The following SUMF1 variants were observed in gnomAD, a reference collection of about 807,000 sequenced individuals.
SUMF1 encodes the protein formylglycine-generating enzyme.
SUMF1 carries 48 observed loss-of-function variants against 47.6 expected under a neutral mutation model. That is an observed-to-expected ratio of 1.01 (90% CI 0.80 to 1.28). SUMF1 has a LOEUF of 1.28. SUMF1 is among the 50% of genes most tolerant of loss of function. The pLI is 0.00. For missense variants in SUMF1, 571 were observed against 485.4 expected (o/e 1.18, Z -1.66); for synonymous variants, 230 against 192.1 (o/e 1.20, Z -1.63).
intron 8 of SUMF1, among the ~76,000 whole-genome samples, chr3:4,108,407 G>C (rs926396667): frequency 6.6e-6 from 1 of 152,102 alleles, no homozygotes; most frequent in Admixed American, 6.5e-5. Context: ...CTGTTGATTT[G>C]GGGTGGAGAG....
chr3:4,350,500 T>C (rs978317395), intron 8 of SUMF1, among the ~76,000 whole-genome samples: 3 of 152,152 alleles, frequency 2.0e-5, no homozygotes, highest in Non-Finnish European at 4.4e-5. Context: ...CCTATTGGCA[T>C]GGATATGGGA....
chr3:4,240,150 T>C (rs1324894987), intron 8 of SUMF1, among the ~76,000 whole-genome samples: 1 of 152,188 alleles, frequency 6.6e-6, no homozygotes, highest in Non-Finnish European at 1.5e-5. Flanking sequence ...CTTTTTGATG[T>C]GCTGCTGGAT....
chr3:4,259,492 T>C (rs1167513233), intron 8 of SUMF1, among the ~76,000 whole-genome samples: 1 of 152,166 alleles, frequency 6.6e-6, no homozygotes, highest in Non-Finnish European at 1.5e-5. Context: ...TATTTCTGTC[T>C]TTTTGACAAA....
chr3:4,056,343 T>C (rs1189913994), intron 9 of SUMF1, among the ~76,000 whole-genome samples: 1 of 152,102 alleles, frequency 6.6e-6, no homozygotes, highest in African/African-American at 2.4e-5. Flanking sequence ...GTTCATACAG[T>C]ATGAAATAAA....
intron 8 of SUMF1, among the ~76,000 whole-genome samples, chr3:4,126,011 G>A (rs1359980620): frequency 6.6e-6 from 1 of 151,794 alleles, no homozygotes; most frequent in Admixed American, 6.6e-5. Context: ...AGTGCCTCGT[G>A]CCATTTTCCT....
intron 8 of SUMF1, among the ~76,000 whole-genome samples, chr3:4,117,230 T>C (rs571448286): frequency 1.3e-5 from 2 of 152,260 alleles, no homozygotes; most frequent in African/African-American, 2.4e-5. Context: ...AATGAGTTTA[T>C]CTTTCTTACT....
intron 9 of SUMF1, among the ~76,000 whole-genome samples, chr3:4,055,107 A>G (rs1399092283): frequency 6.6e-6 from 1 of 152,148 alleles, no homozygotes; most frequent in Admixed American, 6.6e-5. Context: ...CGTTTTCTTC[A>G]TGCAGTGTGT....
intron 8 of SUMF1, among the ~76,000 whole-genome samples, chr3:4,375,971 C>T (rs747990298): frequency 2.0e-5 from 3 of 152,154 alleles, no homozygotes; most frequent in South Asian, 2.1e-4. Flanking sequence ...AACAGAAAAT[C>T]CAGAAATGTA....
At chr3:4,147,364 A>C (rs1694220007) in intron 8 of SUMF1, among the ~76,000 whole-genome samples, 2 of 152,130 alleles carry the variant, frequency 1.3e-5, no homozygotes, top group South Asian at 4.1e-4. Flanking sequence ...ACACATGCAC[A>C]CGTATGTTTA....
intron 8 of SUMF1, among the ~76,000 whole-genome samples, chr3:4,254,440 C>T (rs1287439957): frequency 1.3e-5 from 2 of 150,406 alleles, no homozygotes; most frequent in African/African-American, 4.9e-5. Flanking sequence ...GAGCTGAAAA[C>T]CAAGGCTCGA....
chr3:4,234,456 C>T (rs1182586033), intron 8 of SUMF1, among the ~76,000 whole-genome samples: 1 of 152,046 alleles, frequency 6.6e-6, no homozygotes, highest in African/African-American at 2.4e-5. Flanking sequence ...TGCTAACTCC[C>T]TATGTAGATG....
In SUMF1 at chr3:4,345,161, C is replaced by T. The variant is rs115975253; in HGVS notation, c.1014+31169G>A. ...CCCAACCTAGCAAGACAGGCCAACA[C>T]GCAAATTCAAGAAATACAGAGAACA... On this transcript the variant is annotated intron_variant and NMD_transcript_variant, in intron 8 of 12. Coordinates refer to the SUMF1 transcript ENST00000448413. 4.9e-3 allele frequency among the ~76,000 whole-genome samples: 743 copies of T among 152,202 alleles called. 8 individuals carry two copies. Among genetic ancestry groups the T allele is most frequent in the African/African-American group, 0.017 (716 of 41,530 alleles).
chr3:4,084,025 A>G (rs901962725), intron 8 of SUMF1, among the ~76,000 whole-genome samples: 2 of 152,124 alleles, frequency 1.3e-5, no homozygotes, highest in African/African-American at 4.8e-5. Context: ...TTATTTCAAG[A>G]TGGAATAGGA....
In SUMF1 at chr3:4,372,975, T is replaced by C. The variant is rs766475574; in HGVS notation, c.1014+3355A>G. 2.0e-5 allele frequency among the ~76,000 whole-genome samples: 3 copies of C among 152,268 alleles called. No individual in the cohort carries two copies. In the South Asian group the frequency reaches 6.2e-4, roughly 32 times the overall value. On this transcript the variant is annotated intron_variant, in intron 8 of 8. Coordinates refer to ENST00000272902, the MANE Select transcript of SUMF1 (RefSeq NM_182760.4). ...AGTGCCATTTTTCTATGGAAAATCCTGTGGATCCCACTCAGTTCTGTCAAT... is the reference window on the plus strand; with the variant it reads ...AGTGCCATTTTTCTATGGAAAATCCCGTGGATCCCACTCAGTTCTGTCAAT...
intron 8 of SUMF1, among the ~76,000 whole-genome samples, chr3:4,256,349 C>A (rs1210631277): frequency 1.9e-5 from 2 of 103,914 alleles, no homozygotes; most frequent in African/African-American, 3.8e-5. Context: ...AAAGGATCAA[C>A]AAAATTGATA....
At chr3:4,316,787 G>A (rs1240574031) in intron 8 of SUMF1, 17 of 1,550,588 alleles carry the variant, frequency 1.1e-5, no homozygotes, top group African/African-American at 2.7e-5. Context: ...AAAAGGTCAT[G>A]GTCACTATTT....
rs566723584 is a variant in SUMF1, at chr3:4,165,008, G to A, written c.1015-96263C>T. Among the ~76,000 whole-genome samples, 9 of 152,204 alleles carry A rather than the reference G, an allele frequency of 5.9e-5. No homozygotes were observed. In the East Asian group the frequency reaches 7.7e-4, roughly 13 times the overall value. The stretch of plus-strand genomic sequence containing the variant: ...AGTCCTTCTAGAACACAGGTCAGCA[G>A]ATGTTTATGAATCCAGTCCCCGTGA... On this transcript the variant is annotated intron_variant and NMD_transcript_variant, in intron 8 of 12. Transcript: ENST00000448413.
intron 8 of SUMF1, among the ~76,000 whole-genome samples, chr3:4,226,281 T>G (rs112049233): frequency 7.0e-6 from 1 of 143,292 alleles, no homozygotes; most frequent in East Asian, 2.0e-4. Context: ...TTTTTTTTTT[T>G]TTTTTTGAGA....
At chr3:4,273,682 A>T (rs958442118) in intron 8 of SUMF1, among the ~76,000 whole-genome samples, 1 of 138,534 alleles carries the variant, frequency 7.2e-6, no homozygotes, top group Non-Finnish European at 1.6e-5. Flanking sequence ...AGCAGAAAGA[A>T]GGAAGGGAGG....
Sources: gnomAD v4.1 joint callset for allele counts (sites outside exome capture counted in the v4.1 genomes callset) on GRCh38, gnomAD v4.1.1 for gene constraint, MANE v1.5 for transcripts, NCBI Gene and HGNC (gene_info 2026-07-23, HGNC 2026-07-21) for gene names.